The following GTF3C2 variants were observed in gnomAD, a reference collection of about 807,000 sequenced individuals.
GTF3C2 encodes general transcription factor 3C polypeptide 2.
In GTF3C2, 17 loss-of-function variants were observed where a neutral mutation model predicts 117.4. That is an observed-to-expected ratio of 0.14 (90% CI 0.10 to 0.22). The LOEUF (loss-of-function observed/expected upper bound fraction) is 0.22. Among genes scored for constraint, GTF3C2 ranks in the 10% least tolerant of loss-of-function variants. The pLI is 1.00. For synonymous variants in GTF3C2, 437 were observed against 427.0 expected (o/e 1.02, Z -0.29); for missense variants, 888 against 1,143.6 (o/e 0.78, Z 3.22).
chr2:27,328,514 A>G (rs41288825), exon 16 of GTF3C2: 18 of 1,612,578 alleles, frequency 1.1e-5, no homozygotes, highest in Non-Finnish European at 1.4e-5. Context: ...ATTCAGTGCC[A>G]TATCTGGTAA....
At chr2:27,349,211 G>A (rs370221653) in intron 1 of GTF3C2, among the ~76,000 whole-genome samples, 1 of 143,084 alleles carries the variant, frequency 7.0e-6, no homozygotes, top group Non-Finnish European at 1.5e-5. Flanking sequence ...GCAGTGGCGC[G>A]ATTTCGGCTC....
At chr2:27,335,061 G>A (rs929412583) in intron 10 of GTF3C2, among the ~76,000 whole-genome samples, 1 of 152,198 alleles carries the variant, frequency 6.6e-6, no homozygotes, top group Non-Finnish European at 1.5e-5. Context: ...CAGGGCTCCA[G>A]CCTGGGTGCC....
intron 1 of GTF3C2, among the ~76,000 whole-genome samples, chr2:27,346,940 C>T (rs980730081): frequency 6.6e-6 from 1 of 152,130 alleles, no homozygotes; most frequent in Non-Finnish European, 1.5e-5. Context: ...AAGAGATCCT[C>T]CCACCTTGGC....
intron 17 of GTF3C2, among the ~76,000 whole-genome samples, chr2:27,327,679 G>A (rs1383743283): frequency 2.1e-5 from 3 of 144,916 alleles, no homozygotes; most frequent in South Asian, 2.2e-4. Flanking sequence ...CCAGGCTGGA[G>A]TGCAGTGGTG....
chr2:27,339,817 T>C (rs1329697648), intron 4 of GTF3C2: 7 of 151,932 alleles, frequency 4.6e-5, no homozygotes, highest in Non-Finnish European at 8.8e-5. Context: ...TGAAACCCCA[T>C]CTCTACTAAA....
chr2:27,328,791 T>C, intron 15 of GTF3C2, 53 bp downstream of exon 15: 1 of 1,335,680 alleles, frequency 7.5e-7, no homozygotes, highest in Admixed American at 1.7e-5. Context: ...TAATAGTGCA[T>C]AAATGAGCCA....
intron 12 of GTF3C2, among the ~76,000 whole-genome samples, chr2:27,331,842 G>T (rs1191466163): frequency 3.9e-5 from 6 of 152,100 alleles, no homozygotes; most frequent in African/African-American, 1.4e-4. Flanking sequence ...CAGAGGCTGA[G>T]GCTGGGGCAT....
intron 4 of GTF3C2, chr2:27,338,308 C>G (rs1028003398): frequency 4.1e-5 from 16 of 385,568 alleles, no homozygotes; most frequent in African/African-American, 2.9e-4. Context: ...CTTTGAAACT[C>G]CCGCCCTATG....
intron 1 of GTF3C2, among the ~76,000 whole-genome samples, chr2:27,348,433 CA>C (rs1680996645): frequency 6.6e-6 from 1 of 150,534 alleles, no homozygotes. Flanking sequence ...GACTCTGTCT[CA>C]AAAAACAAAA....
At chr2:27,334,739 C>T (rs1680398857) in intron 10 of GTF3C2, among the ~76,000 whole-genome samples, 3 of 151,858 alleles carry the variant, frequency 2.0e-5, no homozygotes, top group Non-Finnish European at 2.9e-5. Flanking sequence ...ACCTCCTGGG[C>T]ATAAGTGATC....
At chr2:27,342,924 T>C in exon 3 of GTF3C2, 8 of 1,614,186 alleles carry the variant, frequency 5.0e-6, no homozygotes, top group South Asian at 1.1e-5. Flanking sequence ...CTAGGTCTTT[T>C]GACAACTTCA....
chr2:27,349,666 CCTCT>C (rs879626012), intron 1 of GTF3C2, among the ~76,000 whole-genome samples: 7 of 149,382 alleles, frequency 4.7e-5, no homozygotes, highest in Non-Finnish European at 8.9e-5. Context: ...TGAGACGGAG[CCTCT>C]CTCTGTTGCC....
At chr2:27,330,245 G>A (rs1201340339) in intron 12 of GTF3C2, among the ~76,000 whole-genome samples, 1 of 151,626 alleles carries the variant, frequency 6.6e-6, no homozygotes, top group Non-Finnish European at 1.5e-5. Context: ...ATCACTTGAG[G>A]TCAGGAGTTC....
chr2:27,327,509 A>C (rs1011008458), intron 17 of GTF3C2, among the ~76,000 whole-genome samples: 1 of 149,450 alleles, frequency 6.7e-6, no homozygotes, highest in Non-Finnish European at 1.5e-5. Flanking sequence ...TATTTTTAGT[A>C]GACAGGGTTT....
chr2:27,351,055 G>A (rs1315841872), intron 1 of GTF3C2, among the ~76,000 whole-genome samples: 1 of 151,992 alleles, frequency 6.6e-6, no homozygotes, highest in Non-Finnish European at 1.5e-5. Flanking sequence ...GTTGAAGACT[G>A]CAGTGAGCTA....
At chr2:27,331,142 T>A (rs954844652) in intron 12 of GTF3C2, among the ~76,000 whole-genome samples, 1 of 152,174 alleles carries the variant, frequency 6.6e-6, no homozygotes, top group African/African-American at 2.4e-5. Flanking sequence ...ATAAATGGAC[T>A]GGTAGAGGCA....
At chr2:27,356,501 G>A (rs1406206798) in intron 1 of GTF3C2, 2 of 233,248 alleles carry the variant, frequency 8.6e-6, no homozygotes, top group Admixed American at 9.4e-5. Flanking sequence ...CCGACACCGC[G>A]TGGGGGAGGA....
chr2:27,335,351 C>A, intron 10 of GTF3C2: 4 of 632,946 alleles, frequency 6.3e-6, no homozygotes, highest in South Asian at 6.1e-5. Context: ...GGGGGAAAGT[C>A]TTGAGAGCAC....
At chr2:27,328,498 T>C in exon 16 of GTF3C2, 1 of 1,613,820 alleles carries the variant, frequency 6.2e-7, no homozygotes, top group Non-Finnish European at 8.5e-7. Flanking sequence ...GCTTGACATT[T>C]ATTGGATTCA....
Sources: allele counts gnomAD v4.1 joint callset (sites outside exome capture counted in the v4.1 genomes callset), GRCh38; gene constraint gnomAD v4.1.1; transcripts MANE v1.5; gene names NCBI Gene and HGNC (gene_info 2026-07-23, HGNC 2026-07-21).